The following LMAN2 variants were observed in gnomAD, a reference collection of about 807,000 sequenced individuals.
LMAN2 encodes the protein lectin, mannose binding 2.
Under a neutral mutation model 39.3 loss-of-function variants are expected in LMAN2, and 22 were observed. The ratio of observed to expected loss-of-function variants is 0.56; its 90% CI spans 0.40 to 0.80. The LOEUF (loss-of-function observed/expected upper bound fraction) is 0.80, where lower values mean the gene tolerates loss of function less well. LMAN2 is among the 30% of genes least tolerant of loss of function. LMAN2 has a pLI of 0.00. For synonymous variants in LMAN2, 207 were observed against 207.8 expected (o/e 1.00, Z 0.03); for missense variants, 494 against 505.4 (o/e 0.98, Z 0.22).
At position 177,332,526 on chromosome 5, in the gene LMAN2, C is replaced by T. The variant is rs773067326; in HGVS notation, c.911-280G>A. On this transcript the variant is annotated intron_variant, in intron 7 of 7. Coordinates refer to ENST00000303127, the MANE Select transcript of LMAN2 (RefSeq NM_006816.3). The surrounding 1 kb of genome is among the most constrained non-coding windows in gnomAD (Gnocchi z 6.3). ...TTCTGCTGCAGGAAGCCAGTTAAAACCAGACTCCTGGGCTCCTCTGAGTCC... is the reference window on the plus strand; with the variant it reads ...TTCTGCTGCAGGAAGCCAGTTAAAATCAGACTCCTGGGCTCCTCTGAGTCC... Among the ~76,000 whole-genome samples, 17 of 152,146 alleles carry T rather than the reference C, an allele frequency of 1.1e-4. No individual in the cohort carries two copies. Among genetic ancestry groups the T allele is most frequent in the Admixed American group, 7.9e-4 (12 of 15,286 alleles).
rs1029913873 is a variant in LMAN2, at chr5:177,337,070, A to G, written c.790+66T>C. 4.1e-6 allele frequency: 5 copies of G among 1,216,556 alleles called. No individual in the cohort carries two copies. The highest frequency in any genetic ancestry group is 6.0e-6 in the Non-Finnish European group (5 of 834,614). The allele number at this position is 1,216,556 out of a possible 1,614,324, so 75.4% of individuals were successfully genotyped here. On this transcript the variant is annotated intron_variant, in intron 6 of 7. Transcript: ENST00000303127. The surrounding 1 kb of genome is among the most constrained non-coding windows in gnomAD (Gnocchi z 8.2). Reference sequence around the variant, plus strand: ...CACATGAAGGCAGGCAATCAACTGCATGGAAAGCTCCCAGTCCCTCAGGGT... The same window carrying G: ...CACATGAAGGCAGGCAATCAACTGCGTGGAAAGCTCCCAGTCCCTCAGGGT...
chr5:177,341,532 G>A (rs1761554701), intron 2 of LMAN2, among the ~76,000 whole-genome samples: 1 of 152,138 alleles, frequency 6.6e-6, no homozygotes, highest in Non-Finnish European at 1.5e-5. Context: ...CAGCCAGCAT[G>A]GGATTCTATA....
Position 177,332,743 on chromosome 5 carries a change from C to G in LMAN2, c.911-497G>C, listed in dbSNP as rs946502352. ...CACACTCCACCCCAGCCCACAGCCT[C>G]TCTCCTCCACACAAGGTTCCCACAG... On this transcript the variant is annotated intron_variant, in intron 7 of 7. Coordinates refer to ENST00000303127, the MANE Select transcript of LMAN2 (RefSeq NM_006816.3). The surrounding 1 kb of genome is among the most constrained non-coding windows in gnomAD (Gnocchi z 6.3). Among the ~76,000 whole-genome samples, 14 of 152,168 alleles carry G rather than the reference C, an allele frequency of 9.2e-5. No homozygotes were observed. The highest frequency in any genetic ancestry group is 1.8e-4 in the Non-Finnish European group (12 of 68,002).
At chr5:177,349,569 C>A (rs908402404) in intron 2 of LMAN2, among the ~76,000 whole-genome samples, 5 of 152,242 alleles carry the variant, frequency 3.3e-5, no homozygotes, top group Non-Finnish European at 7.3e-5. Context: ...AGTCCTGTGA[C>A]ATCCTCGAGC....
chr5:177,334,426 G>T, intron 6 of LMAN2, 23 bp from the exon 7 acceptor site: 1 of 1,606,804 alleles, frequency 6.2e-7, no homozygotes. Context: ...GAATAAACCT[G>T]TGACAGCCTA....
intron 2 of LMAN2, among the ~76,000 whole-genome samples, chr5:177,341,064 CTTTTTTTTTT>C (rs1298735934): frequency 6.4e-5 from 7 of 108,944 alleles, no homozygotes; most frequent in Admixed American, 9.7e-5. Context: ...CTTTTTTTTT[CTTTTTTTTTT>C]TTTTTTTGTG....
Position 177,337,477 on chromosome 5 carries a change from G to A in LMAN2, c.561C>T (p.Ser187=), listed in dbSNP as rs1181078341. ...AGCGCCCATCCTTGCTGTGGTCGTA[G>A]GACAGGGAGCCATTGTTCACCATCA... The part of the protein sequence containing the change: ...ISVMVNNGSL[S]YDHSKDGRWT... Residue 187 remains serine (S), a synonymous_variant, in exon 5 of 8, where the codon TCC becomes TCT. Transcript: ENST00000303127. This position sits in a 1 kb window ranked among gnomAD's most constrained non-coding sequence, Gnocchi z 8.2. The A allele has an allele frequency of 8.7e-6, 14 of 1,613,950 alleles. No individual in the cohort carries two copies. In the East Asian group the frequency reaches 3.1e-4, roughly 36 times the overall value.
chr5:177,349,023 CA>C (rs1449650042), intron 2 of LMAN2, among the ~76,000 whole-genome samples: 1 of 151,926 alleles, frequency 6.6e-6, no homozygotes, highest in South Asian at 2.1e-4. Context: ...AACCTAATGA[CA>C]AACAATTTTT....
At chr5:177,333,900 C>T (rs1204048193) in intron 7 of LMAN2, among the ~76,000 whole-genome samples, 8 of 152,242 alleles carry the variant, frequency 5.3e-5, no homozygotes, top group Non-Finnish European at 1.2e-4. Flanking sequence ...GCCAACATAC[C>T]CAGCCCCCTG....
chr5:177,345,735 G>GTATT (rs1561606904), intron 2 of LMAN2, among the ~76,000 whole-genome samples: 1 of 110,360 alleles, frequency 9.1e-6, no homozygotes, highest in African/African-American at 3.2e-5. Context: ...GCCATGGCAT[G>GTATT]CATTTATTTA....
Position 177,334,279 on chromosome 5 carries a change from C to G in LMAN2, c.910+5G>C. The G allele has an allele frequency of 6.2e-7, 1 of 1,610,766 alleles. No individual in the cohort carries two copies. Among genetic ancestry groups the G allele is most frequent in the East Asian group, 2.2e-5 (1 of 44,866 alleles). On this transcript the variant is annotated splice_donor_5th_base_variant and intron_variant, in intron 7 of 7. Transcript: ENST00000303127. ...CCCAGGCAGGGCGGGGCTGTGCACA[C>G]GCACCTTTGGGCGACTTGAGGAAGT...
At chr5:177,335,699 G>A (rs1761459256) in intron 6 of LMAN2, among the ~76,000 whole-genome samples, 2 of 152,234 alleles carry the variant, frequency 1.3e-5, no homozygotes, top group South Asian at 4.1e-4. Flanking sequence ...CTGGGTATGT[G>A]ACTGAAAAAC....
At chr5:177,351,148 G>C in intron 2 of LMAN2, 25 bp downstream of exon 2, 2 of 1,603,854 alleles carry the variant, frequency 1.2e-6, no homozygotes, top group Non-Finnish European at 1.7e-6. Flanking sequence ...CGCACAGTAC[G>C]CCTATCCTCT....
Position 177,351,214 on chromosome 5 carries a change from G to C in LMAN2, c.274C>G (p.Pro92Ala). 1 of 1,614,202 alleles carries C rather than the reference G, an allele frequency of 6.2e-7. No homozygotes were observed. Among genetic ancestry groups the C allele is most frequent in the Non-Finnish European group, 8.5e-7 (1 of 1,180,028 alleles). ...MLTSQYVRLT[P>A]DERSKEGSIW... ...GAGCCCTCTTTGCTGCGCTCGTCAG[G>C]GGTCAGACGTACGTACTGGCTCGTG... The change falls in exon 2 of 8, where the codon CCT (proline) becomes GCT (alanine). Residue 92 changes from proline to alanine, a missense_variant. Coordinates refer to ENST00000303127, the MANE Select transcript of LMAN2 (RefSeq NM_006816.3).
chr5:177,347,162 A>G (rs1303231203), intron 2 of LMAN2, among the ~76,000 whole-genome samples: 1 of 152,224 alleles, frequency 6.6e-6, no homozygotes, highest in African/African-American at 2.4e-5. Context: ...CCCAGAAACC[A>G]GATTTCAAAT....
chr5:177,348,494 C>A (rs974913861), intron 2 of LMAN2, among the ~76,000 whole-genome samples: 1 of 152,018 alleles, frequency 6.6e-6, no homozygotes, highest in African/African-American at 2.4e-5. Flanking sequence ...GGAGACCAGC[C>A]TCGCAAACAT....
chr5:177,349,286 G>A (rs867664256), intron 2 of LMAN2, among the ~76,000 whole-genome samples: 1 of 152,210 alleles, frequency 6.6e-6, no homozygotes, highest in Admixed American at 6.5e-5. Flanking sequence ...ATGTTCGCCT[G>A]AGTGCATGCC....
intron 2 of LMAN2, among the ~76,000 whole-genome samples, chr5:177,341,626 A>G (rs563038918): frequency 6.6e-6 from 1 of 152,378 alleles, no homozygotes; most frequent in South Asian, 2.1e-4. Flanking sequence ...ATTCATTAGC[A>G]GACTCACACT....
At position 177,332,819 on chromosome 5, in the gene LMAN2, G is replaced by A. The variant is rs1009545635; in HGVS notation, c.911-573C>T. ...CACTGGTACGCTCCCTTGTACAGGCGGAGAGAAGACACTGACTTTCCCAAG... is the reference window on the plus strand; with the variant it reads ...CACTGGTACGCTCCCTTGTACAGGCAGAGAGAAGACACTGACTTTCCCAAG... On this transcript the variant is annotated intron_variant, in intron 7 of 7. Coordinates refer to ENST00000303127, the MANE Select transcript of LMAN2 (RefSeq NM_006816.3). The surrounding 1 kb of genome is among the most constrained non-coding windows in gnomAD (Gnocchi z 6.3). Among the ~76,000 whole-genome samples the A allele has an allele frequency of 3.3e-5, 5 of 152,170 alleles. No individual in the cohort carries two copies. Among genetic ancestry groups the A allele is most frequent in the African/African-American group, 1.2e-4 (5 of 41,444 alleles).
Sources: gnomAD v4.1 joint callset for allele counts (sites outside exome capture counted in the v4.1 genomes callset) on GRCh38, gnomAD v4.1.1 for gene constraint, Gnocchi (gnomAD v3.1) non-coding constraint, MANE v1.5 for transcripts, NCBI Gene and HGNC (gene_info 2026-07-23, HGNC 2026-07-21) for gene names.